The following ROBO1 variants were observed in gnomAD, a reference collection of about 807,000 sequenced individuals.
ROBO1 encodes roundabout guidance receptor 1, also known as roundabout homolog 1.
In ROBO1, 149 loss-of-function variants were observed where a neutral mutation model predicts 195.9. The observed-to-expected ratio is 0.76, with a 90% CI of 0.67 to 0.87. The LOEUF is 0.87. ROBO1 is among the 40% of genes least tolerant of loss of function. The probability of loss-of-function intolerance (pLI) is 0.00; values close to 1 mark genes in which losing one functional copy is unlikely to be tolerated. For synonymous variants in ROBO1, 816 were observed against 733.2 expected (o/e 1.11, Z -1.82); for missense variants, 1,933 against 2,068.3 (o/e 0.93, Z 1.27).
At position 79,689,787 on chromosome 3, in the gene ROBO1, T is replaced by G. The variant is rs191146887; in HGVS notation, c.-51+77965A>C. Among the ~76,000 whole-genome samples the G allele has an allele frequency of 4.6e-5, 7 of 152,198 alleles. No homozygotes were observed. The East Asian group carries it at 1.4e-3, about 30-fold the overall frequency. On this transcript the variant is annotated intron_variant, in intron 1 of 30. Transcript: ENST00000464233. The stretch of plus-strand genomic sequence containing the variant: ...TATGGAGTTATAAAGTCTGGGTTCA[T>G]GTTTTCCTGGTTGAAAACACATCTT...
At chr3:79,590,599 T>G (rs1316521928) in intron 1 of ROBO1, among the ~76,000 whole-genome samples, 3 of 151,704 alleles carry the variant, frequency 2.0e-5, no homozygotes, top group African/African-American at 7.3e-5. Flanking sequence ...GCTACAAAAA[T>G]ATATGCAGGT....
chr3:79,224,299 T>C (rs1208176664), intron 2 of ROBO1, among the ~76,000 whole-genome samples: 1 of 152,228 alleles, frequency 6.6e-6, no homozygotes, highest in Admixed American at 6.5e-5. Flanking sequence ...GAAATAAAGC[T>C]TTACTCTCTT....
At chr3:79,215,098 T>G (rs1423931269) in intron 2 of ROBO1, among the ~76,000 whole-genome samples, 1 of 152,070 alleles carries the variant, frequency 6.6e-6, no homozygotes, top group Non-Finnish European at 1.5e-5. Flanking sequence ...ATCTGGACCA[T>G]CTGTAGGTGG....
chr3:78,830,297 C>T (rs1406558752), intron 4 of ROBO1, among the ~76,000 whole-genome samples: 1 of 152,200 alleles, frequency 6.6e-6, no homozygotes, highest in Non-Finnish European at 1.5e-5. Context: ...TTTCTTTCAT[C>T]ACTGACCATA....
chr3:79,430,704 C>T (rs1316588348), intron 2 of ROBO1, among the ~76,000 whole-genome samples: 1 of 152,058 alleles, frequency 6.6e-6, no homozygotes, highest in African/African-American at 2.4e-5. Flanking sequence ...TCCATTTTTC[C>T]TCTTGTTCCT....
intron 4 of ROBO1, among the ~76,000 whole-genome samples, chr3:78,765,898 T>C (rs191212054): frequency 6.6e-6 from 1 of 152,276 alleles, no homozygotes; most frequent in Admixed American, 6.5e-5. Flanking sequence ...AAGGTTAAAC[T>C]TAATCATCTG....
At chr3:79,764,552 C>T (rs971324513) in intron 1 of ROBO1, among the ~76,000 whole-genome samples, 2 of 152,180 alleles carry the variant, frequency 1.3e-5, no homozygotes, top group Non-Finnish European at 2.9e-5. Context: ...ACTTTACTGC[C>T]TTGCTTTTTT....
At chr3:79,128,201 C>T (rs746873896) in intron 2 of ROBO1, among the ~76,000 whole-genome samples, 26 of 152,120 alleles carry the variant, frequency 1.7e-4, no homozygotes, top group Non-Finnish European at 3.4e-4. Context: ...AAAGGAGGTC[C>T]TATATTCCAG....
At chr3:79,735,630 G>A (rs1703344736) in intron 1 of ROBO1, among the ~76,000 whole-genome samples, 1 of 152,170 alleles carries the variant, frequency 6.6e-6, no homozygotes, top group African/African-American at 2.4e-5. Flanking sequence ...CAGCACTTTG[G>A]GAGGCCGAGG....
chr3:78,677,028 C>A (rs915227847), intron 10 of ROBO1, among the ~76,000 whole-genome samples: 1 of 152,098 alleles, frequency 6.6e-6, no homozygotes, highest in African/African-American at 2.4e-5. Flanking sequence ...ATTCAACATT[C>A]TTAAAGAAAA....
intron 2 of ROBO1, among the ~76,000 whole-genome samples, chr3:79,390,208 A>G (rs917958628): frequency 1.3e-5 from 2 of 152,132 alleles, no homozygotes; most frequent in African/African-American, 4.8e-5. Context: ...GGAAAATAAA[A>G]TATTTTATAC....
chr3:78,939,443 T>G (rs2040008258), intron 3 of ROBO1, among the ~76,000 whole-genome samples: 1 of 143,682 alleles, frequency 7.0e-6, no homozygotes. Context: ...TGAAACCCCG[T>G]CTCTACTAAA....
At chr3:78,943,503 G>A (rs1328247285) in intron 3 of ROBO1, among the ~76,000 whole-genome samples, 5 of 152,070 alleles carry the variant, frequency 3.3e-5, no homozygotes, top group South Asian at 2.1e-4. Context: ...ATTATTAAAC[G>A]CTAAATTTCT....
At chr3:79,394,767 A>C (rs941400457) in intron 2 of ROBO1, among the ~76,000 whole-genome samples, 1 of 152,138 alleles carries the variant, frequency 6.6e-6, no homozygotes, top group African/African-American at 2.4e-5. Flanking sequence ...TAAGGATGTA[A>C]ATAGGCAGGT....
intron 1 of ROBO1, among the ~76,000 whole-genome samples, chr3:79,653,576 G>C (rs1370437811): frequency 6.6e-6 from 1 of 151,972 alleles, no homozygotes; most frequent in Non-Finnish European, 1.5e-5. Flanking sequence ...ATCATTTCAA[G>C]ATGAGAATAT....
chr3:79,081,823 A>G (rs577252151), intron 3 of ROBO1, among the ~76,000 whole-genome samples: 5 of 152,302 alleles, frequency 3.3e-5, no homozygotes, highest in African/African-American at 1.2e-4. Flanking sequence ...TCAATTTGGG[A>G]AAGTATAGGA....
chr3:78,979,124 T>C (rs1196579127), intron 3 of ROBO1, among the ~76,000 whole-genome samples: 1 of 152,178 alleles, frequency 6.6e-6, no homozygotes, highest in Non-Finnish European at 1.5e-5. Context: ...GGGTGCTGTG[T>C]TCCTGTCCAT....
chr3:79,042,617 CAG>C (rs1337174556), intron 3 of ROBO1, among the ~76,000 whole-genome samples: 3 of 152,106 alleles, frequency 2.0e-5, no homozygotes, highest in Non-Finnish European at 2.9e-5. Flanking sequence ...TGTAATCCTG[CAG>C]AGAGTTTCAA....
chr3:78,823,755 T>C (rs893368212), intron 4 of ROBO1, among the ~76,000 whole-genome samples: 1 of 152,226 alleles, frequency 6.6e-6, no homozygotes, highest in Admixed American at 6.5e-5. Context: ...TTACCCTTTT[T>C]GTTTCAGATA....
Sources: allele counts gnomAD v4.1 joint callset (sites outside exome capture counted in the v4.1 genomes callset), GRCh38; gene constraint gnomAD v4.1.1; transcripts MANE v1.5; gene names NCBI Gene and HGNC (gene_info 2026-07-23, HGNC 2026-07-21).